Variants in TCEA3 observed in about 807,000 individuals in gnomAD.
TCEA3 encodes the protein transcription elongation factor A3.
Under a neutral mutation model 44.0 loss-of-function variants are expected in TCEA3, and 36 were observed. The ratio of observed to expected loss-of-function variants is 0.82; its 90% confidence interval spans 0.63 to 1.08. The LOEUF (loss-of-function observed/expected upper bound fraction) is 1.08. Among genes scored for constraint, TCEA3 ranks in the 50% least tolerant of loss-of-function variants. TCEA3 has a pLI of 0.00. For synonymous variants in TCEA3, 162 were observed against 159.7 expected, an observed-to-expected ratio of 1.01 and a Z score of -0.11; for missense variants, 392 against 441.2, an observed-to-expected ratio of 0.89 and a Z score of 1.00.
chr1:23,395,628 C>G (rs1389222343), intron 7 of TCEA3, among the ~76,000 whole-genome samples: 1 of 152,056 alleles, frequency 6.6e-6, no homozygotes, highest in Non-Finnish European at 1.5e-5. Context: ...GAGTTCAAGA[C>G]CAGCCTGGCC....
intron 7 of TCEA3, 39 bp downstream of exon 7, chr1:23,397,506 G>A (rs771476499): frequency 5.0e-5 from 79 of 1,594,564 alleles, no homozygotes; most frequent in Non-Finnish European, 6.5e-5. Flanking sequence ...GCTGCTAGAC[G>A]GTGCAGACAC....
intron 8 of TCEA3, among the ~76,000 whole-genome samples, chr1:23,391,148 C>CT (rs59905045): frequency 0.044 from 5,566 of 126,362 alleles, 161 homozygotes; most frequent in Non-Finnish European, 0.057. Context: ...TTCTTTCTTT[C>CT]TTTTTTTTTT....
chr1:23,395,948 G>C (rs1316623184), intron 7 of TCEA3, among the ~76,000 whole-genome samples: 1 of 152,120 alleles, frequency 6.6e-6, no homozygotes, highest in African/African-American at 2.4e-5. Context: ...CTGCTTGGAG[G>C]GATGACTGTT....
chr1:23,423,137 G>A (rs936334775), intron 1 of TCEA3, among the ~76,000 whole-genome samples: 4 of 152,214 alleles, frequency 2.6e-5, no homozygotes, highest in Non-Finnish European at 5.9e-5. Flanking sequence ...TTGTGGAGGA[G>A]TCTGGAACGG....
At chr1:23,394,792 C>T (rs920836948) in intron 7 of TCEA3, among the ~76,000 whole-genome samples, 7 of 152,336 alleles carry the variant, frequency 4.6e-5, no homozygotes, top group South Asian at 4.1e-4. Flanking sequence ...GGCAAATTCC[C>T]GGCAGAGACA....
chr1:23,423,751 G>A (rs1640132242), intron 1 of TCEA3: 1 of 455,802 alleles, frequency 2.2e-6, no homozygotes, highest in Non-Finnish European at 4.4e-6. Flanking sequence ...GCGACCAGTC[G>A]GCCGCCAGCC....
intron 9 of TCEA3, 24 bp from the exon 10 acceptor site, chr1:23,384,441 T>C (rs1638764001): frequency 1.2e-6 from 2 of 1,610,258 alleles, no homozygotes; most frequent in Non-Finnish European, 1.7e-6. Context: ...GAACCACTCA[T>C]GAAGTCACTC....
intron 10 of TCEA3, 94 bp downstream of exon 10, chr1:23,384,252 G>A (rs1322523062): frequency 6.2e-7 from 1 of 1,604,338 alleles, no homozygotes; most frequent in African/African-American, 1.3e-5. Context: ...GTGCTGCCAT[G>A]CACAAGGCCC....
intron 4 of TCEA3, among the ~76,000 whole-genome samples, chr1:23,413,986 G>GTGTATATA (rs1553168868): frequency 2.1e-5 from 3 of 141,030 alleles, no homozygotes; most frequent in East Asian, 2.0e-4. Context: ...CTAGCAGGAT[G>GTGTATATA]TATATATATA....
intron 4 of TCEA3, among the ~76,000 whole-genome samples, chr1:23,413,402 A>T (rs994077424): frequency 1.3e-5 from 2 of 152,024 alleles, no homozygotes; most frequent in African/African-American, 2.4e-5. Context: ...TGCTGGGATT[A>T]CAAGCATGAG....
intron 5 of TCEA3, chr1:23,403,890 G>T (rs1347387033): frequency 7.6e-6 from 4 of 527,144 alleles, no homozygotes; most frequent in Non-Finnish European, 1.4e-5. Context: ...GCTGGAATTC[G>T]TGTCTGGGCA....
chr1:23,381,704 C>A (rs369308518), intron 10 of TCEA3, among the ~76,000 whole-genome samples: 1 of 152,192 alleles, frequency 6.6e-6, no homozygotes, highest in Non-Finnish European at 1.5e-5. Flanking sequence ...AATGGCAATT[C>A]GGTGCCAGGA....
chr1:23,418,956 CT>C (rs1180815429), intron 2 of TCEA3, 120 bp downstream of exon 2: 1 of 855,818 alleles, frequency 1.2e-6, no homozygotes, highest in Non-Finnish European at 1.7e-6. Flanking sequence ...TCAAGATCCC[CT>C]CCCCACAGGC....
At chr1:23,402,808 A>G (rs562745029) in intron 5 of TCEA3, among the ~76,000 whole-genome samples, 1 of 152,306 alleles carries the variant, frequency 6.6e-6, no homozygotes, top group South Asian at 2.1e-4. Context: ...ACAGTGCTCT[A>G]GGTGGACACT....
intron 5 of TCEA3, among the ~76,000 whole-genome samples, chr1:23,402,421 T>G (rs75673594): frequency 6.6e-6 from 1 of 152,158 alleles, no homozygotes; most frequent in Non-Finnish European, 1.5e-5. Context: ...CACTTTCTGA[T>G]GTAATCTCAT....
At chr1:23,385,606 G>T (rs1284967962) in intron 9 of TCEA3, among the ~76,000 whole-genome samples, 1 of 152,224 alleles carries the variant, frequency 6.6e-6, no homozygotes, top group African/African-American at 2.4e-5. Flanking sequence ...TTGATAAATG[G>T]TGTGTGCCGA....
intron 8 of TCEA3, among the ~76,000 whole-genome samples, chr1:23,392,259 T>G (rs2148550998): frequency 6.6e-6 from 1 of 150,976 alleles, no homozygotes; most frequent in South Asian, 2.1e-4. Context: ...GACACACACT[T>G]CCACATGCCA....
rs138527342 is a variant in TCEA3 at position 23,404,316 on chromosome 1, G to A, written c.443+4348C>T. ...GCTCACTCCCACTTCCACACCTTTGGGTGTGCCATTTCTTTCTGCTTGAAA... is the reference window on the plus strand; with the variant it reads ...GCTCACTCCCACTTCCACACCTTTGAGTGTGCCATTTCTTTCTGCTTGAAA... On this transcript the variant is annotated intron_variant, in intron 5 of 10. Coordinates refer to ENST00000450454, the MANE Select transcript of TCEA3 (RefSeq NM_003196.3). Among the ~76,000 whole-genome samples, 44 of 151,666 alleles carry A rather than the reference G, an allele frequency of 2.9e-4. 1 individual carries two copies. The highest frequency in any genetic ancestry group is 9.9e-4 in the African/African-American group (41 of 41,324).
intron 5 of TCEA3, among the ~76,000 whole-genome samples, chr1:23,402,427 C>A (rs1639426264): frequency 6.6e-6 from 1 of 152,212 alleles, no homozygotes; most frequent in African/African-American, 2.4e-5. Flanking sequence ...CTGATGTAAT[C>A]TCATGCCATG....
Sources: gnomAD v4.1 joint callset for allele counts (sites outside exome capture counted in the v4.1 genomes callset) on GRCh38, gnomAD v4.1.1 for gene constraint, MANE v1.5 for transcripts, NCBI Gene and HGNC (gene_info 2026-07-23, HGNC 2026-07-21) for gene names.